LRP6: variants seen among roughly 807,000 people sequenced by gnomAD.
The protein encoded by LRP6 is low-density lipoprotein receptor-related protein 6.
Under a neutral mutation model 184.1 loss-of-function variants are expected in LRP6, and 43 were observed. The observed-to-expected ratio is 0.23, with a 90% CI of 0.18 to 0.30. LRP6 has a LOEUF of 0.30. Among genes scored for constraint, LRP6 ranks in the 10% least tolerant of loss-of-function variants. The pLI is 1.00. For synonymous variants in LRP6, 719 were observed against 684.9 expected, an observed-to-expected ratio of 1.05 and a Z score of -0.78; for missense variants, 1,571 against 2,005.3, an observed-to-expected ratio of 0.78 and a Z score of 4.14.
At chr12:12,203,764 C>T (rs1238257913) in intron 2 of LRP6, among the ~76,000 whole-genome samples, 1 of 152,086 alleles carries the variant, frequency 6.6e-6, no homozygotes, top group Admixed American at 6.5e-5. Flanking sequence ...AAGTCTCTGT[C>T]TCAAAAACAA....
intron 2 of LRP6, 121 bp from the exon 3 acceptor site, chr12:12,203,521 C>G: frequency 5.2e-6 from 4 of 775,472 alleles, no homozygotes; most frequent in Non-Finnish European, 8.6e-6. Flanking sequence ...AATCCCAGCA[C>G]TCTGGGAGGC....
chr12:12,193,978 C>G (rs375746201), intron 3 of LRP6, among the ~76,000 whole-genome samples: 1 of 152,020 alleles, frequency 6.6e-6, no homozygotes. Flanking sequence ...AACAACATTT[C>G]AAAAGAAGTA....
Position 12,165,091 on chromosome 12 carries a change from G to T in LRP6, c.1750C>A (p.His584Asn). The change falls in exon 8 of 23, where the codon CAT (histidine) becomes AAT (asparagine). Residue 584 changes from histidine (H) to asparagine (N), a missense_variant. Physicochemically the swap from His to Asn is moderately conservative, Grantham distance 68. This residue lies in a region of LRP6 where 640 missense variants were observed against 851.9 expected (regional missense o/e 0.75). Transcript: ENST00000261349. ...TGGAGTTACTCACCAATCACTCGAT[G>T]AACATTTGTAGCCTTTAGGCCCATG... ...DLMGLKATNV[H>N]RVIGSNPCAE... is the part of the protein sequence containing the mutation. 1.2e-6 allele frequency: 2 copies of T among 1,613,438 alleles called. No homozygotes were observed. Among genetic ancestry groups the T allele is most frequent in the Non-Finnish European group, 1.7e-6 (2 of 1,179,504 alleles).
At chr12:12,135,479 C>T (rs1396034621) in intron 16 of LRP6, among the ~76,000 whole-genome samples, 179 bp from the exon 17 acceptor site, 3 of 144,178 alleles carry the variant, frequency 2.1e-5, no homozygotes, top group African/African-American at 5.1e-5. Flanking sequence ...TTACTTTTAT[C>T]ATTATTATTA....
chr12:12,207,219 T>C (rs534041220), intron 2 of LRP6, among the ~76,000 whole-genome samples: 1 of 152,290 alleles, frequency 6.6e-6, no homozygotes, highest in African/African-American at 2.4e-5. Flanking sequence ...CCCAGGAATG[T>C]TGTTAAAAAC....
intron 15 of LRP6, among the ~76,000 whole-genome samples, chr12:12,144,708 G>A (rs957287236): frequency 1.3e-5 from 2 of 150,880 alleles, no homozygotes; most frequent in African/African-American, 4.9e-5. Context: ...AATGAGAGGT[G>A]ATATCCATGG....
intron 15 of LRP6, among the ~76,000 whole-genome samples, chr12:12,143,151 G>T (rs1949956968): frequency 6.6e-6 from 1 of 152,066 alleles, no homozygotes; most frequent in African/African-American, 2.4e-5. Flanking sequence ...ATTAAGTTTA[G>T]AATAGTCTTT....
At chr12:12,157,989 A>G (rs1862640536) in intron 12 of LRP6, among the ~76,000 whole-genome samples, 1 of 152,186 alleles carries the variant, frequency 6.6e-6, no homozygotes, top group Non-Finnish European at 1.5e-5. Flanking sequence ...CACACAAAAA[A>G]ATCTAGATTC....
At position 12,266,843 on chromosome 12, in the gene LRP6, C is replaced by G. The variant is rs986097251; in HGVS notation, c.-108G>C. ...CGGCAGGGCTGCACGCTCATACTTCCCAGCTTCCCAGCGAGAGAAGAAAGA... is the reference window on the plus strand; with the variant it reads ...CGGCAGGGCTGCACGCTCATACTTCGCAGCTTCCCAGCGAGAGAAGAAAGA... On this transcript the variant is annotated 5_prime_UTR_variant, in exon 1 of 23. Coordinates refer to ENST00000261349, the MANE Select transcript of LRP6 (RefSeq NM_002336.3). The G allele has an allele frequency of 1.1e-6, 1 of 881,358 alleles. No homozygotes were observed. Among genetic ancestry groups the G allele is most frequent in the Non-Finnish European group, 1.9e-6 (1 of 536,042 alleles). The allele number at this position is 881,358 out of a possible 1,614,324, so 54.6% of individuals were successfully genotyped here. A position where few individuals can be genotyped will look rare whatever the true frequency, so the allele number is the denominator to read the frequency against.
Position 12,155,301 on chromosome 12 carries a change from G to C in LRP6, c.2791+3528C>G, listed in dbSNP as rs1049896929. On this transcript the variant is annotated intron_variant, in intron 12 of 22. Transcript: ENST00000261349. ...GGGAAAGAGGAGAGGCACCCGATAC[G>C]TGTTCTCTAGGCCTTTTAGAAAGCA... The C allele has an allele frequency of 5.3e-6, 4 of 753,840 alleles. No homozygotes were observed. The African/African-American group carries it at 6.8e-5, about 13-fold the overall frequency. The allele number at this position is 753,840 out of a possible 1,614,324, so 46.7% of individuals were successfully genotyped here.
chr12:12,133,859 G>GAGGA (rs1949792706), intron 17 of LRP6, among the ~76,000 whole-genome samples: 1 of 99,038 alleles, frequency 1.0e-5, no homozygotes, highest in Non-Finnish European at 2.1e-5. Flanking sequence ...GGGGGGGGGG[G>GAGGA]GGGAGGGTAA....
chr12:12,116,964 T>TA lies in LRP6; in HGVS notation c.*4161dup, dbSNP rs898619134. 247 of 152,242 alleles carry TA rather than the reference T, an allele frequency of 1.6e-3. 1 individual carries two copies. Among genetic ancestry groups the TA allele is most frequent in the African/African-American group, 5.6e-3 (231 of 41,550 alleles). 9.4% of individuals were successfully genotyped at this position (152,242 alleles called of 1,614,324 possible). A position where few individuals can be genotyped will look rare whatever the true frequency, so the allele number is the denominator to read the frequency against. ...TTCACAATACTTATAATTTAAATTT[T>TA]AAAAAAATTATAAACGTATAATTTT... On this transcript the variant is annotated 3_prime_UTR_variant, in exon 23 of 23. Coordinates refer to ENST00000261349, the MANE Select transcript of LRP6 (RefSeq NM_002336.3).
At chr12:12,123,536 T>C (rs556942870) in intron 22 of LRP6, among the ~76,000 whole-genome samples, 13 of 152,286 alleles carry the variant, frequency 8.5e-5, no homozygotes, top group East Asian at 1.9e-4. Flanking sequence ...CTAGAGAGGA[T>C]AGAAGATAGA....
At chr12:12,164,249 T>C (rs1480799312) in intron 9 of LRP6, 24 bp downstream of exon 9, 1 of 1,609,078 alleles carries the variant, frequency 6.2e-7, no homozygotes, top group South Asian at 1.1e-5. Context: ...TCCCTAGCTT[T>C]AATATTCCAA....
intron 2 of LRP6, among the ~76,000 whole-genome samples, chr12:12,232,932 AT>A (rs895746491): frequency 3.3e-5 from 5 of 152,208 alleles, no homozygotes; most frequent in African/African-American, 1.2e-4. Context: ...ACCAAATATT[AT>A]AACAAAAGAT....
chr12:12,264,153 A>G (rs2135951322), intron 1 of LRP6, among the ~76,000 whole-genome samples: 1 of 152,282 alleles, frequency 6.6e-6, no homozygotes, highest in Non-Finnish European at 1.5e-5. Flanking sequence ...TAAAAAAAAA[A>G]AAATTGTGAA....
chr12:12,145,304 G>A (rs1003167953), intron 15 of LRP6, among the ~76,000 whole-genome samples: 2 of 151,852 alleles, frequency 1.3e-5, no homozygotes, highest in Admixed American at 1.3e-4. Flanking sequence ...TAATGGAAGG[G>A]AGGCATTTGA....
chr12:12,203,704 G>C (rs1764917491), intron 2 of LRP6, among the ~76,000 whole-genome samples: 1 of 152,178 alleles, frequency 6.6e-6, no homozygotes, highest in African/African-American at 2.4e-5. Flanking sequence ...AGAGGCGGAG[G>C]TTGCAGTAAG....
chr12:12,259,199 G>A (rs991202562), intron 1 of LRP6, among the ~76,000 whole-genome samples: 6 of 149,204 alleles, frequency 4.0e-5, no homozygotes, highest in African/African-American at 1.5e-4. Flanking sequence ...GGAGGCAGAT[G>A]TCACAGTGAG....
Sources: gnomAD v4.1 joint callset for allele counts (sites outside exome capture counted in the v4.1 genomes callset) on GRCh38, gnomAD v4.1.1 for gene constraint, gnomAD v4.1.1 regional missense constraint, MANE v1.5 for transcripts, NCBI Gene and HGNC (gene_info 2026-07-23, HGNC 2026-07-21) for gene names.